The following ARHGAP44 variants were observed in gnomAD, a reference collection of about 807,000 sequenced individuals.
ARHGAP44 encodes Rho GTPase activating protein 44, also known as rho GTPase-activating protein 44.
A neutral mutation model predicts 106.8 loss-of-function variants in ARHGAP44; 43 were observed. The observed-to-expected ratio is 0.40, with a 90% CI of 0.32 to 0.52. The LOEUF is 0.52. Among genes scored for constraint, ARHGAP44 ranks in the 20% least tolerant of loss-of-function variants. The pLI is 0.48. For synonymous variants in ARHGAP44, 439 were observed against 410.3 expected (o/e 1.07, Z -0.85); for missense variants, 866 against 1,050.5 (o/e 0.82, Z 2.43).
intron 1 of ARHGAP44, among the ~76,000 whole-genome samples, chr17:12,866,604 T>C (rs998155212): frequency 3.9e-5 from 6 of 152,178 alleles, no homozygotes; most frequent in Non-Finnish European, 8.8e-5. Context: ...CAGAGTTTAT[T>C]AACATGTGCA....
chr17:12,881,678 T>C (rs183503021), intron 1 of ARHGAP44, among the ~76,000 whole-genome samples: 1 of 152,092 alleles, frequency 6.6e-6, no homozygotes, highest in Non-Finnish European at 1.5e-5. Flanking sequence ...CAAATTTTAT[T>C]TATTTATTTT....
chr17:12,986,708 A>AAAAAAAAAAGC (rs2039968707), intron 20 of ARHGAP44: 1 of 140,622 alleles, frequency 7.1e-6, no homozygotes, highest in Admixed American at 7.2e-5. Flanking sequence ...AAAAAGAATG[A>AAAAAAAAAAGC]GCAGAAGATA....
At chr17:12,918,419 C>T (rs2037979590) in intron 5 of ARHGAP44, among the ~76,000 whole-genome samples, 1 of 152,152 alleles carries the variant, frequency 6.6e-6, no homozygotes, top group African/African-American at 2.4e-5. Flanking sequence ...GGCCAATTTT[C>T]GTTTTGCATT....
intron 1 of ARHGAP44, among the ~76,000 whole-genome samples, chr17:12,836,592 G>A (rs1160164735): frequency 6.6e-6 from 1 of 151,860 alleles, no homozygotes; most frequent in Non-Finnish European, 1.5e-5. Context: ...AGATTGCACT[G>A]AGCTGAGATC....
intron 3 of ARHGAP44, among the ~76,000 whole-genome samples, chr17:12,908,497 G>A (rs186182451): frequency 2.6e-5 from 4 of 152,040 alleles, no homozygotes; most frequent in African/African-American, 7.2e-5. Context: ...GAGCCACCAC[G>A]CCCAGCCACT....
chr17:12,821,359 A>G (rs2034765714), intron 1 of ARHGAP44, among the ~76,000 whole-genome samples: 1 of 152,204 alleles, frequency 6.6e-6, no homozygotes, highest in Admixed American at 6.5e-5. Context: ...TTTTGTTTAT[A>G]ACCTGGGTCA....
At chr17:12,905,985 A>G (rs1175969701) in intron 3 of ARHGAP44, among the ~76,000 whole-genome samples, 3 of 152,176 alleles carry the variant, frequency 2.0e-5, no homozygotes, top group Admixed American at 2.0e-4. Context: ...TCTTTGTTGG[A>G]GGAGACTGTT....
chr17:12,978,049 A>AAAAAAAAAAAAAAAAAAAAAAATAAAT, intron 18 of ARHGAP44, among the ~76,000 whole-genome samples: 1 of 149,924 alleles, frequency 6.7e-6, no homozygotes, highest in African/African-American at 2.5e-5. Flanking sequence ...AAAAAAAAAA[A>AAAAAAAAAAAAAAAAAAAAAAATAAAT]AAAAAAAGTG....
rs3074723 is a variant in ARHGAP44, at chr17:12,900,913, C to CT, written c.198+4425dup. 1.9e-3 allele frequency among the ~76,000 whole-genome samples: 192 copies of CT among 103,614 alleles called. 1 individual carries two copies. The highest frequency in any genetic ancestry group is 5.8e-3 in the African/African-American group (165 of 28,392). The allele number at this position is 103,614 out of a possible 152,430, so 68.0% of individuals were successfully genotyped here. On this transcript the variant is annotated intron_variant, in intron 3 of 20. Coordinates refer to ENST00000379672, the MANE Select transcript of ARHGAP44 (RefSeq NM_014859.6). ...TTCCGAGAGACAGGAGAAAGTTTGG[C>CT]TTTTTTTTTTTTTTTTTTTTTTTAA...
chr17:12,886,100 C>T (rs2036873945), intron 1 of ARHGAP44, among the ~76,000 whole-genome samples: 1 of 152,080 alleles, frequency 6.6e-6, no homozygotes, highest in South Asian at 2.1e-4. Context: ...GACTATCCTT[C>T]CTCCATTGAA....
intron 7 of ARHGAP44, among the ~76,000 whole-genome samples, chr17:12,929,671 G>A: frequency 6.6e-6 from 1 of 152,156 alleles, no homozygotes; most frequent in East Asian, 1.9e-4. Context: ...CAGGACTTAG[G>A]TAGCAATAGA....
intron 3 of ARHGAP44, among the ~76,000 whole-genome samples, chr17:12,904,739 G>A (rs912083145): frequency 3.9e-5 from 6 of 152,180 alleles, no homozygotes; most frequent in South Asian, 2.1e-4. Context: ...AAAAGTAGAC[G>A]CACACACATG....
intron 20 of ARHGAP44, chr17:12,986,815 A>AGAAGCG (rs2039971898): frequency 3.0e-6 from 1 of 336,474 alleles, no homozygotes; most frequent in East Asian, 4.7e-5. Flanking sequence ...CAGGGCTCTA[A>AGAAGCG]GAAGCGGAGT....
intron 16 of ARHGAP44, among the ~76,000 whole-genome samples, chr17:12,959,356 G>C (rs1485019637): frequency 1.3e-5 from 2 of 152,104 alleles, no homozygotes; most frequent in Non-Finnish European, 2.9e-5. Context: ...CCTAAAACTT[G>C]AAACAGCCTG....
At chr17:12,835,244 T>C (rs934192051) in intron 1 of ARHGAP44, among the ~76,000 whole-genome samples, 3 of 152,180 alleles carry the variant, frequency 2.0e-5, no homozygotes, top group Non-Finnish European at 2.9e-5. Flanking sequence ...TGAATTTTAA[T>C]TGAAATAATC....
intron 18 of ARHGAP44, among the ~76,000 whole-genome samples, chr17:12,976,528 G>A (rs1001401428): frequency 6.7e-6 from 1 of 148,516 alleles, no homozygotes; most frequent in East Asian, 2.0e-4. Context: ...CAGGAGAATC[G>A]CTTGAACCCA....
chr17:12,914,239 A>G (rs903068182), intron 4 of ARHGAP44, among the ~76,000 whole-genome samples: 1 of 152,216 alleles, frequency 6.6e-6, no homozygotes, highest in African/African-American at 2.4e-5. Context: ...AATAATTTGT[A>G]TCCACCAGTT....
intron 1 of ARHGAP44, among the ~76,000 whole-genome samples, chr17:12,878,797 C>T (rs2036632593): frequency 6.6e-6 from 1 of 152,160 alleles, no homozygotes; most frequent in Non-Finnish European, 1.5e-5. Flanking sequence ...TTTCCCCAGT[C>T]AGTAAAACCT....
intron 1 of ARHGAP44, among the ~76,000 whole-genome samples, chr17:12,850,816 A>G (rs2035719311): frequency 6.6e-6 from 1 of 152,196 alleles, no homozygotes; most frequent in Admixed American, 6.5e-5. Context: ...CCTGGTACGT[A>G]GCAGGTGCTC....
Sources: gnomAD v4.1 joint callset for allele counts (sites outside exome capture counted in the v4.1 genomes callset) on GRCh38, gnomAD v4.1.1 for gene constraint, MANE v1.5 for transcripts, NCBI Gene and HGNC (gene_info 2026-07-23, HGNC 2026-07-21) for gene names.